The following POLR3F variants were observed in gnomAD, a reference collection of about 807,000 sequenced individuals.
The protein encoded by POLR3F is DNA-directed RNA polymerase III subunit RPC6.
Under a neutral mutation model 43.6 loss-of-function variants are expected in POLR3F, and 31 were observed. The ratio of observed to expected loss-of-function variants is 0.71; its 90% confidence interval spans 0.53 to 0.96. POLR3F has a LOEUF of 0.96. Among genes scored for constraint, POLR3F ranks in the 40% least tolerant of loss-of-function variants. POLR3F has a pLI of 0.00. For missense variants in POLR3F, 316 were observed against 391.7 expected, an observed-to-expected ratio of 0.81 and a Z score of 1.63; for synonymous variants, 114 against 132.5, an observed-to-expected ratio of 0.86 and a Z score of 0.96.
chr20:18,483,078 GC>G (rs1287493864), intron 8 of POLR3F, among the ~76,000 whole-genome samples: 3 of 151,332 alleles, frequency 2.0e-5, no homozygotes, highest in Admixed American at 6.6e-5. Flanking sequence ...CTCCCCCCTC[GC>G]CCCCCGAGAT....
At chr20:18,478,424 AG>A in intron 5 of POLR3F, among the ~76,000 whole-genome samples, 1 of 152,198 alleles carries the variant, frequency 6.6e-6, no homozygotes. Context: ...TATGTTACCC[AG>A]GCCTGTCTTG....
intron 8 of POLR3F, among the ~76,000 whole-genome samples, 173 bp downstream of exon 8, chr20:18,481,983 C>CTTTTTTTTT (rs56160449): frequency 4.0e-5 from 3 of 74,328 alleles, no homozygotes; most frequent in Non-Finnish European, 7.8e-5. Context: ...CATTCCTTTA[C>CTTTTTTTTT]TTTTTTTTTT....
intron 2 of POLR3F, among the ~76,000 whole-genome samples, chr20:18,471,676 G>A (rs1245163895): frequency 1.3e-5 from 2 of 152,156 alleles, no homozygotes; most frequent in African/African-American, 4.8e-5. Context: ...CAAGTCATGA[G>A]TGTCTGTTTT....
chr20:18,474,742 A>G (rs978687761), intron 4 of POLR3F, among the ~76,000 whole-genome samples: 4 of 152,030 alleles, frequency 2.6e-5, no homozygotes, highest in Non-Finnish European at 5.9e-5. Flanking sequence ...GGCTGGTCTC[A>G]AACTCCTGAG....
At chr20:18,471,261 C>G (rs1338058118) in intron 2 of POLR3F, among the ~76,000 whole-genome samples, 2 of 152,202 alleles carry the variant, frequency 1.3e-5, no homozygotes, top group Non-Finnish European at 2.9e-5. Flanking sequence ...CCACAGGACT[C>G]ATGTTGTTCC....
Position 18,484,419 on chromosome 20 carries a change from G to T in POLR3F, c.*861G>T, listed in dbSNP as rs1241548884. ...GATGGTATTTGGAGGTGGGGCTTTT[G>T]GTAAGTGATAGGTCAGGAGAGTAAC... On this transcript the variant is annotated 3_prime_UTR_variant, in exon 9 of 9. Coordinates refer to ENST00000377603, the MANE Select transcript of POLR3F (RefSeq NM_006466.4). 3 of 311,808 alleles carry T rather than the reference G, an allele frequency of 9.6e-6. No homozygotes were observed. Among genetic ancestry groups the T allele is most frequent in the Non-Finnish European group, 1.7e-5 (3 of 171,636 alleles). 19.3% of individuals were successfully genotyped at this position (311,808 alleles called of 1,614,324 possible).
chr20:18,479,473 C>T (rs112102988), intron 5 of POLR3F, among the ~76,000 whole-genome samples: 15 of 151,942 alleles, frequency 9.9e-5, no homozygotes, highest in African/African-American at 2.2e-4. Context: ...CCAGCCTGGG[C>T]GACAGTGCAA....
At chr20:18,480,645 G>A in intron 7 of POLR3F, 136 bp downstream of exon 7, 1 of 645,474 alleles carries the variant, frequency 1.5e-6, no homozygotes, top group Admixed American at 2.8e-5. Flanking sequence ...TCCACTTTGG[G>A]AAAATACTGT....
chr20:18,477,456 C>A (rs919771539), intron 5 of POLR3F, among the ~76,000 whole-genome samples: 48 of 152,194 alleles, frequency 3.2e-4, no homozygotes, highest in Admixed American at 3.1e-3. Context: ...ATTTACCCAA[C>A]TGATTTGAAA....
In POLR3F at chr20:18,484,348, T is replaced by C. The variant is rs1026786944; in HGVS notation, c.*790T>C. ...TTTAATGTCTGCAGTAGACTGAATG[T>C]TTGTGTGCCCCCAGAATTCTAATGT... On this transcript the variant is annotated 3_prime_UTR_variant, in exon 9 of 9. Coordinates refer to ENST00000377603, the MANE Select transcript of POLR3F (RefSeq NM_006466.4). 8.2e-5 allele frequency: 32 copies of C among 389,602 alleles called. 1 individual carries two copies. In the East Asian group the frequency reaches 1.0e-3, roughly 12 times the overall value. 24.1% of individuals were successfully genotyped at this position (389,602 alleles called of 1,614,324 possible).
chr20:18,478,347 C>A (rs1273702164), intron 5 of POLR3F, among the ~76,000 whole-genome samples: 1 of 152,048 alleles, frequency 6.6e-6, no homozygotes, highest in Non-Finnish European at 1.5e-5. Context: ...TTCCAAGTAG[C>A]TGGGACTATA....
chr20:18,479,978 GTT>G lies in POLR3F; in HGVS notation c.430-56_430-55del, dbSNP rs1249984747. ...TCTTAAACTGTTCCAAAATATAGGT[GTT>G]TTTGTTTTTGGAAATTGTTATCTTA... On this transcript the variant is annotated intron_variant, in intron 5 of 8. Transcript: ENST00000377603. 4 of 1,315,056 alleles carry G rather than the reference GTT, an allele frequency of 3.0e-6. No individual in the cohort carries two copies. The East Asian group carries it at 9.4e-5, about 31-fold the overall frequency. 81.5% of individuals were successfully genotyped at this position (1,315,056 alleles called of 1,614,324 possible).
chr20:18,480,695 T>C (rs2059805653), intron 7 of POLR3F, among the ~76,000 whole-genome samples, 186 bp downstream of exon 7: 2 of 152,234 alleles, frequency 1.3e-5, no homozygotes, highest in African/African-American at 4.8e-5. Flanking sequence ...CATTGGGCAT[T>C]GTCTGAACTG....
At position 18,483,466 on chromosome 20, in the gene POLR3F, T is replaced by A. The variant is rs3827965; in HGVS notation, c.874-15T>A. ...AAACTTTAATTTGAATATAATTTTTTTTTCTTTTTTAAAGGTTTTTGATGA... is the reference window on the plus strand; with the variant it reads ...AAACTTTAATTTGAATATAATTTTTATTTCTTTTTTAAAGGTTTTTGATGA... On this transcript the variant is annotated splice_polypyrimidine_tract_variant and intron_variant, in intron 8 of 8. Coordinates refer to ENST00000377603, the MANE Select transcript of POLR3F (RefSeq NM_006466.4). The A allele has an allele frequency of 4.7e-5, 60 of 1,270,620 alleles. No homozygotes were observed. The highest frequency in any genetic ancestry group is 5.5e-5 in the Non-Finnish European group (50 of 901,438). The allele number at this position is 1,270,620 out of a possible 1,614,324, so 78.7% of individuals were successfully genotyped here.
rs1372674518 is a variant in POLR3F, at chr20:18,475,186, CAGTG to C, written c.429+3_429+6del. The C allele has an allele frequency of 8.5e-7, 1 of 1,180,594 alleles. No homozygotes were observed. The highest frequency in any genetic ancestry group is 1.3e-6 in the Non-Finnish European group (1 of 791,932). The allele number at this position is 1,180,594 out of a possible 1,614,324, so 73.1% of individuals were successfully genotyped here. Reference sequence around the variant, plus strand: ...CTTATCAAAGCTGTTAAGTCTGTAGCAGTGAGTAGTCCTTTCCTCAGATACCCAC... The same window carrying C: ...CTTATCAAAGCTGTTAAGTCTGTAGCAGTAGTCCTTTCCTCAGATACCCAC... On this transcript the variant is annotated splice_donor_variant and splice_donor_region_variant and coding_sequence_variant and intron_variant, in exon 5 of 9. Coordinates refer to ENST00000377603, the MANE Select transcript of POLR3F (RefSeq NM_006466.4). LOFTEE classifies it high-confidence loss of function.
At position 18,473,466 on chromosome 20, in the gene POLR3F, T is replaced by A; in HGVS notation, c.316+8T>A. ...AGGATGCAGGAAATAAAGGTAAGCA[T>A]GTGAAAGATGAAGCAGAAAAAAACA... is the stretch of plus-strand genomic sequence containing the variant. On this transcript the variant is annotated splice_region_variant and intron_variant, in intron 4 of 8. Transcript: ENST00000377603. The A allele has an allele frequency of 7.2e-7, 1 of 1,380,702 alleles. No homozygotes were observed. Among genetic ancestry groups the A allele is most frequent in the African/African-American group, 1.4e-5 (1 of 70,346 alleles). The allele number at this position is 1,380,702 out of a possible 1,614,324, so 85.5% of individuals were successfully genotyped here.
At chr20:18,474,960 A>G (rs2059772570) in intron 4 of POLR3F, 115 bp from the exon 5 acceptor site, 4 of 552,134 alleles carry the variant, frequency 7.2e-6, no homozygotes, top group South Asian at 4.9e-5. Flanking sequence ...TTTAGCCAGC[A>G]TTCTTTACTG....
chr20:18,472,727 T>C (rs1396220765), intron 2 of POLR3F, 115 bp from the exon 3 acceptor site: 4 of 587,168 alleles, frequency 6.8e-6, no homozygotes, highest in Non-Finnish European at 1.2e-5. Flanking sequence ...AATTTTGAGA[T>C]TAAAGAGCAG....
Position 18,483,657 on chromosome 20 carries a change from C to T in POLR3F, c.*99C>T. ...AACACGAAATCTCCTTGAAAGCAAA[C>T]TTCACAATAATGGACGTAGACTTGC... On this transcript the variant is annotated 3_prime_UTR_variant, in exon 9 of 9. Transcript: ENST00000377603. The T allele has an allele frequency of 5.6e-6, 3 of 535,582 alleles. No individual in the cohort carries two copies. The allele number at this position is 535,582 out of a possible 1,614,324, so 33.2% of individuals were successfully genotyped here.
Sources: allele counts gnomAD v4.1 joint callset (sites outside exome capture counted in the v4.1 genomes callset), GRCh38; gene constraint gnomAD v4.1.1; transcripts MANE v1.5; gene names NCBI Gene and HGNC (gene_info 2026-07-23, HGNC 2026-07-21).